TBX20: variants seen among roughly 807,000 people sequenced by gnomAD.
TBX20 encodes the protein T-box transcription factor 20, also known as T-box transcription factor TBX20.
TBX20 carries 8 observed loss-of-function variants against 42.9 expected under a neutral mutation model. That is an observed-to-expected ratio of 0.19 (90% CI 0.11 to 0.34). The LOEUF (loss-of-function observed/expected upper bound fraction) is 0.34. Among genes scored for constraint, TBX20 ranks in the 10% least tolerant of loss-of-function variants. TBX20 has a pLI of 1.00. For missense variants in TBX20, 411 were observed against 566.0 expected (o/e 0.73, Z 2.78); for synonymous variants, 198 against 222.8 (o/e 0.89, Z 0.99).
chr7:35,219,238 A>C (rs1485656577), intron 6 of TBX20, among the ~76,000 whole-genome samples: 1 of 152,074 alleles, frequency 6.6e-6, no homozygotes, highest in Admixed American at 6.6e-5. Context: ...GGGGGCAGAA[A>C]ACTTTTTTCT....
chr7:35,216,904 G>A (rs574854534), intron 6 of TBX20, among the ~76,000 whole-genome samples: 2 of 152,092 alleles, frequency 1.3e-5, no homozygotes, highest in African/African-American at 4.8e-5. Flanking sequence ...ACATCTTACT[G>A]AGTCTTTGTA....
At chr7:35,207,065 T>A (rs1458816365) in intron 6 of TBX20, among the ~76,000 whole-genome samples, 1 of 152,234 alleles carries the variant, frequency 6.6e-6, no homozygotes, top group Non-Finnish European at 1.5e-5. Context: ...ATTGCATATA[T>A]GTGCAATTTT....
intron 6 of TBX20, among the ~76,000 whole-genome samples, chr7:35,206,203 A>C (rs1041867618): frequency 6.6e-6 from 1 of 152,240 alleles, no homozygotes; most frequent in Admixed American, 6.5e-5. Flanking sequence ...TGAAACAAAC[A>C]AACTATATTG....
intron 6 of TBX20, among the ~76,000 whole-genome samples, chr7:35,226,810 G>T (rs1219910904): frequency 6.6e-6 from 1 of 151,710 alleles, no homozygotes; most frequent in East Asian, 1.9e-4. Flanking sequence ...GTTTGTATAC[G>T]TACTATGCTA....
intron 6 of TBX20, among the ~76,000 whole-genome samples, chr7:35,208,339 G>A (rs974082565): frequency 4.6e-5 from 7 of 152,026 alleles, no homozygotes; most frequent in Non-Finnish European, 7.4e-5. Context: ...AGATATTCAC[G>A]ATGCCTGTAC....
At chr7:35,246,729 A>G (rs1790195350) in intron 3 of TBX20, among the ~76,000 whole-genome samples, 1 of 152,158 alleles carries the variant, frequency 6.6e-6, no homozygotes, top group Non-Finnish European at 1.5e-5. Flanking sequence ...AATTTTTGCC[A>G]TCAGTATAAA....
chr7:35,210,114 C>CTTT (rs1254082002), intron 6 of TBX20, among the ~76,000 whole-genome samples: 4 of 127,618 alleles, frequency 3.1e-5, no homozygotes, highest in African/African-American at 5.8e-5. Flanking sequence ...ATAATATTTT[C>CTTT]TTTTTTTTTT....
At chr7:35,218,553 T>A (rs567752043) in intron 6 of TBX20, among the ~76,000 whole-genome samples, 1 of 152,318 alleles carries the variant, frequency 6.6e-6, no homozygotes, top group Middle Eastern at 3.4e-3. Context: ...GGGTACACTT[T>A]AGTATATAAT....
At chr7:35,242,080 ACT>A (rs10531322) in intron 4 of TBX20, among the ~76,000 whole-genome samples, 55,319 of 151,750 alleles carry the variant, frequency 0.36, 10,417 homozygotes, top group Admixed American at 0.46. Context: ...GAGCAATGGC[ACT>A]CTCTGCTGGT....
At chr7:35,226,553 C>G (rs1789774643) in intron 6 of TBX20, among the ~76,000 whole-genome samples, 1 of 152,144 alleles carries the variant, frequency 6.6e-6, no homozygotes, top group Non-Finnish European at 1.5e-5. Context: ...AACAACCTTT[C>G]CTGAAGGAAA....
Position 35,224,829 on chromosome 7 carries a change from T to G in TBX20, c.890+6675A>C, listed in dbSNP as rs189460835. ...ATTCAATTAATGTTAAGATAAAAAT[T>G]ATTAATTTAGGTATGAAAGTTATTG... is the stretch of plus-strand genomic sequence containing the variant. On this transcript the variant is annotated intron_variant, in intron 6 of 7. Transcript: ENST00000408931. 4.2e-4 allele frequency among the ~76,000 whole-genome samples: 64 copies of G among 152,180 alleles called. No individual in the cohort carries two copies. In the East Asian group the frequency reaches 8.5e-3, roughly 20 times the overall value.
chr7:35,216,638 C>A (rs1314203276), intron 6 of TBX20, among the ~76,000 whole-genome samples: 1 of 152,158 alleles, frequency 6.6e-6, no homozygotes, highest in African/African-American at 2.4e-5. Flanking sequence ...TGATGATAAT[C>A]ATTTTAGATG....
chr7:35,241,178 A>G, intron 4 of TBX20, 141 bp from the exon 5 acceptor site: 1 of 696,398 alleles, frequency 1.4e-6, no homozygotes, highest in East Asian at 2.7e-5. Context: ...TTCCAGCCTT[A>G]AGGCAAATCA....
intron 6 of TBX20, among the ~76,000 whole-genome samples, chr7:35,220,935 A>G (rs1035634984): frequency 6.6e-6 from 1 of 152,244 alleles, no homozygotes; most frequent in Non-Finnish European, 1.5e-5. Context: ...GTAAAATTAC[A>G]CTTACAAATA....
chr7:35,202,628 G>A lies in TBX20; in HGVS notation c.1146C>T (p.Pro382=), dbSNP rs1473719382. Reference sequence around the variant, plus strand: ...TATATGGTGGCAGAGAACCCTGGATGGGGTGAGGAATGGGTGTTGCTATGG... The same window carrying A: ...TATATGGTGGCAGAGAACCCTGGATAGGGTGAGGAATGGGTGTTGCTATGG... ...TASIATPIPH[P]IQGSLPPYSR... The change falls in exon 8 of 8, where the codon CCC becomes CCT. Residue 382 remains proline, a synonymous_variant. Transcript: ENST00000408931. 1 of 1,613,958 alleles carries A rather than the reference G, an allele frequency of 6.2e-7. No homozygotes were observed. The highest frequency in any genetic ancestry group is 8.5e-7 in the Non-Finnish European group (1 of 1,179,878).
At chr7:35,245,668 C>T (rs1363200374) in intron 3 of TBX20, among the ~76,000 whole-genome samples, 1 of 152,176 alleles carries the variant, frequency 6.6e-6, no homozygotes, top group East Asian at 1.9e-4. Context: ...AACACTACTG[C>T]TTTCATCATT....
intron 5 of TBX20, among the ~76,000 whole-genome samples, chr7:35,234,971 A>G (rs776451777): frequency 3.5e-4 from 54 of 152,144 alleles, no homozygotes; most frequent in Non-Finnish European, 6.8e-4. Context: ...CTCTGAATCT[A>G]CTAGGGTGTC....
chr7:35,249,956 C>T lies in TBX20; in HGVS notation c.375G>A (p.Ser125=), dbSNP rs113673921. ...AACCCCCAAGTCCCAACTACCTGCC[C>T]GACTTGGTGATGATCATCTCGGTGC... ...ELGTEMIITK[S]GRRMFPTIRV... Residue 125 remains serine, a synonymous_variant, in exon 2 of 8, where the codon TCG becomes TCA. Coordinates refer to ENST00000408931, the MANE Select transcript of TBX20 (RefSeq NM_001077653.2). This position sits in a 1 kb window ranked among gnomAD's most constrained non-coding sequence, Gnocchi z 4.3. The T allele has an allele frequency of 1.9e-6, 3 of 1,602,178 alleles. No homozygotes were observed. The highest frequency in any genetic ancestry group is 1.7e-5 in the Admixed American group (1 of 59,536).
At chr7:35,236,454 A>G (rs1363473303) in intron 5 of TBX20, among the ~76,000 whole-genome samples, 1 of 152,204 alleles carries the variant, frequency 6.6e-6, no homozygotes, top group Non-Finnish European at 1.5e-5. Context: ...CTTACTACAC[A>G]AACTTGGTAG....
Sources: allele counts gnomAD v4.1 joint callset (sites outside exome capture counted in the v4.1 genomes callset), GRCh38; gene constraint gnomAD v4.1.1; non-coding constraint Gnocchi (gnomAD v3.1); transcripts MANE v1.5; gene names NCBI Gene and HGNC (gene_info 2026-07-23, HGNC 2026-07-21).